ACTA2: variants seen among roughly 807,000 people sequenced by gnomAD.
ACTA2 encodes the protein actin alpha 2, smooth muscle.
A neutral mutation model predicts 39.5 loss-of-function variants in ACTA2; 12 were observed. That is an observed-to-expected ratio of 0.30 (90% confidence interval 0.19 to 0.49). The LOEUF is 0.49. Ranked by LOEUF, ACTA2 falls within the 20% of genes least tolerant of loss-of-function variation. The pLI is 0.99. For missense variants in ACTA2, 236 were observed against 498.8 expected (o/e 0.47, Z 5.02); for synonymous variants, 158 against 180.6 (o/e 0.88, Z 1.00).
intron 1 of ACTA2, chr10:88,973,307 G>T: frequency 6.3e-7 from 1 of 1,597,916 alleles, no homozygotes; most frequent in Non-Finnish European, 8.5e-7. Flanking sequence ...CATCTGAACA[G>T]CTCTGAGAGA....
chr10:88,954,598 C>T (rs1846104161), upstream of ACTA2, among the ~76,000 whole-genome samples: 1 of 152,126 alleles, frequency 6.6e-6, no homozygotes, highest in Non-Finnish European at 1.5e-5. Flanking sequence ...TTCATCTAAA[C>T]ACCAAAGAGA....
At chr10:88,941,550 C>T (rs1038768671) in intron 5 of ACTA2, among the ~76,000 whole-genome samples, 160 bp from the exon 6 acceptor site, 22 of 151,234 alleles carry the variant, frequency 1.5e-4, no homozygotes, top group Admixed American at 1.1e-3. Context: ...GGACAGGGCT[C>T]GGGGAAGATG....
At chr10:88,986,708 G>A (rs557160851) in intron 1 of ACTA2, among the ~76,000 whole-genome samples, 2 of 150,926 alleles carry the variant, frequency 1.3e-5, no homozygotes, top group Non-Finnish European at 3.0e-5. Flanking sequence ...GGAAGGAAGT[G>A]GTACAGGAAG....
intron 3 of ACTA2, 120 bp downstream of exon 3, chr10:88,947,138 G>A: frequency 7.1e-7 from 1 of 1,410,208 alleles, no homozygotes; most frequent in East Asian, 2.3e-5. Context: ...ACATTAACAA[G>A]TAAAAGTACA....
intron 1 of ACTA2, chr10:88,974,505 G>C (rs1313122547): frequency 6.6e-6 from 1 of 152,116 alleles, no homozygotes; most frequent in East Asian, 1.9e-4. Context: ...TGTAGCCAGT[G>C]AGATCAGTTA....
chr10:88,941,792 G>T lies in ACTA2; in HGVS notation c.447C>A (p.Arg149=), dbSNP rs761941154. 2 of 1,611,774 alleles carry T rather than the reference G, an allele frequency of 1.2e-6. No individual in the cohort carries two copies. Among genetic ancestry groups the T allele is most frequent in the Admixed American group, 3.3e-5 (2 of 59,782 alleles). The change falls in exon 5 of 9, where the codon CGC becomes CGA. Residue 149 remains arginine, a synonymous_variant. Coordinates refer to ENST00000224784, the MANE Select transcript of ACTA2 (RefSeq NM_001613.4). ...TCCCGCCCAGCCACCTACCAGTTGT[G>T]CGTCCAGAGGCATAGAGAGACAGCA... ...QAVLSLYASG[R]TTGIVLDSGD...
intron 8 of ACTA2, 146 bp downstream of exon 8, chr10:88,937,915 G>A: frequency 1.1e-6 from 1 of 872,646 alleles, no homozygotes; most frequent in Non-Finnish European, 1.8e-6. Flanking sequence ...CTTACATCCT[G>A]TAAAATATGA....
chr10:88,936,571 C>T (rs1475729078), intron 8 of ACTA2, among the ~76,000 whole-genome samples: 1 of 137,996 alleles, frequency 7.2e-6, no homozygotes, highest in African/African-American at 2.6e-5. Flanking sequence ...CCCCCCACCC[C>T]TGCCCTCTCT....
At chr10:88,964,539 A>C (rs1322920345) in intron 1 of ACTA2, among the ~76,000 whole-genome samples, 1 of 152,172 alleles carries the variant, frequency 6.6e-6, no homozygotes, top group Non-Finnish European at 1.5e-5. Context: ...GCAAGGGCCT[A>C]AGGTCATCCC....
At chr10:88,981,650 G>A (rs144237150) in intron 1 of ACTA2, among the ~76,000 whole-genome samples, 5 of 152,254 alleles carry the variant, frequency 3.3e-5, no homozygotes, top group East Asian at 1.9e-4. Flanking sequence ...AGTGGGAGAC[G>A]CATCATATCC....
intron 1 of ACTA2, among the ~76,000 whole-genome samples, chr10:88,980,996 G>T (rs1255153351): frequency 6.6e-6 from 1 of 152,170 alleles, no homozygotes; most frequent in Non-Finnish European, 1.5e-5. Flanking sequence ...GTGGGATTTG[G>T]ACTATGGAGG....
upstream of ACTA2, among the ~76,000 whole-genome samples, chr10:88,955,034 G>GGA (rs1846114157): frequency 1.5e-5 from 2 of 137,076 alleles, no homozygotes; most frequent in Non-Finnish European, 3.1e-5. Flanking sequence ...AAAAAAAAAA[G>GGA]AAGAAGAAGG....
intron 1 of ACTA2, among the ~76,000 whole-genome samples, chr10:88,981,355 A>G (rs1003472788): frequency 4.0e-5 from 6 of 150,816 alleles, no homozygotes; most frequent in Admixed American, 6.6e-5. Flanking sequence ...TTAGCCACTT[A>G]TTAACCATCG....
intron 1 of ACTA2, among the ~76,000 whole-genome samples, chr10:88,979,297 G>A (rs80058056): frequency 0.12 from 18,503 of 151,936 alleles, 1,537 homozygotes; most frequent in East Asian, 0.29. Flanking sequence ...CGAGTTTCCC[G>A]GCTCTGCCGC....
At chr10:88,944,033 GT>G in intron 3 of ACTA2, 126 bp from the exon 4 acceptor site, 3 of 752,456 alleles carry the variant, frequency 4.0e-6, no homozygotes, top group Non-Finnish European at 4.5e-6. Context: ...ACTCATGCAT[GT>G]GTCCATGGTT....
intron 1 of ACTA2, among the ~76,000 whole-genome samples, chr10:88,980,297 C>T (rs1471635754): frequency 6.6e-6 from 1 of 151,958 alleles, no homozygotes; most frequent in Non-Finnish European, 1.5e-5. Context: ...TGATGGTTGA[C>T]ACTTCAGGCC....
intron 1 of ACTA2, among the ~76,000 whole-genome samples, chr10:88,971,575 G>T (rs1846448202): frequency 6.6e-6 from 1 of 152,124 alleles, no homozygotes; most frequent in South Asian, 2.1e-4. Context: ...TTTTTTAGAT[G>T]ATTTGGATTT....
intron 6 of ACTA2, chr10:88,940,011 T>G (rs1039800523): frequency 1.4e-4 from 57 of 398,348 alleles, no homozygotes; most frequent in Non-Finnish European, 2.2e-4. Flanking sequence ...TAACATTTTT[T>G]GGGGTGGGTG....
intron 7 of ACTA2, among the ~76,000 whole-genome samples, chr10:88,938,695 G>A (rs11202907): frequency 0.23 from 30,374 of 133,952 alleles, 3,538 homozygotes; most frequent in African/African-American, 0.36. Context: ...TTTTTATCCT[G>A]TTGGAAAAGG....
Sources: allele counts gnomAD v4.1 joint callset (sites outside exome capture counted in the v4.1 genomes callset), GRCh38; gene constraint gnomAD v4.1.1; transcripts MANE v1.5; gene names NCBI Gene and HGNC (gene_info 2026-07-23, HGNC 2026-07-21).